TRAPPC9: variants seen among roughly 807,000 people sequenced by gnomAD.
TRAPPC9 encodes trafficking protein particle complex subunit 9.
A neutral mutation model predicts 124.0 loss-of-function variants in TRAPPC9; 83 were observed. That is an observed-to-expected ratio of 0.67 (90% CI 0.56 to 0.80). The LOEUF (loss-of-function observed/expected upper bound fraction) is 0.80. Among genes scored for constraint, TRAPPC9 ranks in the 30% least tolerant of loss-of-function variants. The pLI is 0.00. For missense variants in TRAPPC9, 1,302 were observed against 1,508.3 expected (o/e 0.86, Z 2.27); for synonymous variants, 638 against 617.5 (o/e 1.03, Z -0.49).
rs185713171 is a variant in TRAPPC9 at position 140,072,496 on chromosome 8, C to T, written c.2557-48417G>A. On this transcript the variant is annotated intron_variant, in intron 17 of 22. Transcript: ENST00000438773. ...CTGCGCCACTGCACCCCAGTCTGGG[C>T]GACAGAGCGAGACTCCGTCTCAAAA... Among the ~76,000 whole-genome samples, 9 of 146,760 alleles carry T rather than the reference C, an allele frequency of 6.1e-5. No homozygotes were observed. In the East Asian group the frequency reaches 1.4e-3, roughly 23 times the overall value.
intron 21 of TRAPPC9, among the ~76,000 whole-genome samples, chr8:139,883,254 G>A (rs569551485): frequency 9.8e-5 from 15 of 152,376 alleles, no homozygotes; most frequent in South Asian, 8.3e-4. Context: ...GTCCCCAGCA[G>A]CAAGAGGGCC....
intron 16 of TRAPPC9, among the ~76,000 whole-genome samples, chr8:140,229,559 A>T (rs2063543093): frequency 6.7e-6 from 1 of 149,888 alleles, no homozygotes; most frequent in African/African-American, 2.5e-5. Context: ...GGTGTGAGCC[A>T]CCGCACCCGG....
chr8:139,976,281 A>G (rs943030788), intron 19 of TRAPPC9, among the ~76,000 whole-genome samples: 22 of 152,204 alleles, frequency 1.4e-4, no homozygotes, highest in African/African-American at 5.1e-4. Context: ...ACAAAAAATT[A>G]GCTCAAAAGG....
intron 7 of TRAPPC9, among the ~76,000 whole-genome samples, chr8:140,394,274 G>A (rs189059124): frequency 4.6e-5 from 7 of 152,194 alleles, no homozygotes; most frequent in Admixed American, 3.3e-4. Context: ...TCAGGCTTTC[G>A]GAGGGTCCGT....
intron 19 of TRAPPC9, among the ~76,000 whole-genome samples, chr8:139,986,943 G>A (rs956757553): frequency 6.6e-6 from 1 of 152,100 alleles, no homozygotes; most frequent in Admixed American, 6.5e-5. Flanking sequence ...CTATAGGTTG[G>A]TGTAAAAGTA....
chr8:140,147,662 C>T (rs565158566), intron 17 of TRAPPC9, among the ~76,000 whole-genome samples: 1 of 152,326 alleles, frequency 6.6e-6, no homozygotes, highest in Non-Finnish European at 1.5e-5. Context: ...AGCATAATGA[C>T]AGTGATAGAC....
intron 14 of TRAPPC9, 44 bp downstream of exon 14, chr8:140,283,845 G>T (rs775151947): frequency 5.6e-6 from 9 of 1,605,772 alleles, no homozygotes; most frequent in Non-Finnish European, 7.7e-6. Context: ...GACCAAAAAT[G>T]ATGCCTCAGA....
chr8:140,027,618 C>G (rs185236772), intron 17 of TRAPPC9, among the ~76,000 whole-genome samples: 50 of 152,176 alleles, frequency 3.3e-4, no homozygotes, highest in Admixed American at 7.2e-4. Context: ...GGGGAAATAT[C>G]TAATTTAACA....
intron 7 of TRAPPC9, among the ~76,000 whole-genome samples, chr8:140,395,726 A>T (rs1038975582): frequency 4.6e-5 from 7 of 152,174 alleles, no homozygotes; most frequent in Admixed American, 4.6e-4. Context: ...TGTGTTCAAA[A>T]GAGAAACTGA....
intron 19 of TRAPPC9, among the ~76,000 whole-genome samples, chr8:139,965,013 T>C (rs145209313): frequency 4.7e-4 from 71 of 152,312 alleles, no homozygotes; most frequent in Middle Eastern, 3.4e-3. Context: ...GGTGCTGAAC[T>C]GTCCTCAGCT....
At chr8:140,370,653 C>A in intron 8 of TRAPPC9, among the ~76,000 whole-genome samples, 1 of 152,218 alleles carries the variant, frequency 6.6e-6, no homozygotes, top group East Asian at 1.9e-4. Context: ...GCTAAACTAA[C>A]TAAATCTCAT....
intron 17 of TRAPPC9, among the ~76,000 whole-genome samples, chr8:140,220,561 T>G (rs2063316257): frequency 6.6e-6 from 1 of 152,218 alleles, no homozygotes; most frequent in African/African-American, 2.4e-5. Context: ...TTCAATCCAC[T>G]GACATGACCT....
At chr8:140,108,684 G>C (rs2060711062) in intron 17 of TRAPPC9, among the ~76,000 whole-genome samples, 1 of 152,150 alleles carries the variant, frequency 6.6e-6, no homozygotes, top group African/African-American at 2.4e-5. Context: ...TTTTTTGTTG[G>C]GTTTGTTCTC....
chr8:140,299,215 C>T (rs2065896161), intron 11 of TRAPPC9, among the ~76,000 whole-genome samples: 2 of 152,284 alleles, frequency 1.3e-5, no homozygotes, highest in East Asian at 1.9e-4. Flanking sequence ...TTTCTTTCCA[C>T]GACCAGAAAG....
intron 4 of TRAPPC9, among the ~76,000 whole-genome samples, chr8:140,427,483 A>T (rs2070470893): frequency 6.6e-6 from 1 of 152,152 alleles, no homozygotes; most frequent in South Asian, 2.1e-4. Flanking sequence ...AGTTAGCTTA[A>T]AATACAAAAC....
chr8:140,335,402 G>A lies in TRAPPC9; in HGVS notation c.1496-24028C>T, dbSNP rs78500889. Among the ~76,000 whole-genome samples the A allele has an allele frequency of 1.9e-3, 284 of 152,218 alleles. 1 individual carries two copies. The highest frequency in any genetic ancestry group is 3.3e-3 in the Admixed American group (51 of 15,298). On this transcript the variant is annotated intron_variant, in intron 9 of 22. Transcript: ENST00000438773. ...AATGGGCATTCCAGGCAATTAATAGGATACAGGATAAGTATGACAACTTGG... is the reference window on the plus strand; with the variant it reads ...AATGGGCATTCCAGGCAATTAATAGAATACAGGATAAGTATGACAACTTGG...
intron 19 of TRAPPC9, among the ~76,000 whole-genome samples, chr8:139,922,708 G>A (rs1832588063): frequency 6.6e-6 from 1 of 152,210 alleles, no homozygotes; most frequent in Admixed American, 6.5e-5. Context: ...CAAAGCCCAG[G>A]ACCCAGATCT....
chr8:140,367,667 C>T (rs1455696914), intron 8 of TRAPPC9, among the ~76,000 whole-genome samples: 5 of 152,150 alleles, frequency 3.3e-5, no homozygotes, highest in Non-Finnish European at 4.4e-5. Flanking sequence ...CATCACTACA[C>T]ATTTGTCAAA....
chr8:140,112,157 C>T (rs1015450306), intron 17 of TRAPPC9, among the ~76,000 whole-genome samples: 1 of 151,678 alleles, frequency 6.6e-6, no homozygotes, highest in Non-Finnish European at 1.5e-5. Flanking sequence ...ATGGAGAATT[C>T]CAGACGATGG....
Sources: allele counts gnomAD v4.1 joint callset (sites outside exome capture counted in the v4.1 genomes callset), GRCh38; gene constraint gnomAD v4.1.1; transcripts MANE v1.5; gene names NCBI Gene and HGNC (gene_info 2026-07-23, HGNC 2026-07-21).